Variants in FILIP1L observed in about 807,000 individuals in gnomAD.
The protein encoded by FILIP1L is filamin A interacting protein 1 like, also known as filamin A-interacting protein 1-like.
FILIP1L carries 55 observed loss-of-function variants against 96.6 expected under a neutral mutation model. The ratio of observed to expected loss-of-function variants is 0.57; its 90% CI spans 0.46 to 0.71. The LOEUF is 0.71. FILIP1L is among the 30% of genes least tolerant of loss of function. The pLI is 0.00. For missense variants in FILIP1L, 1,304 were observed against 1,321.2 expected (o/e 0.99, Z 0.20); for synonymous variants, 467 against 473.9 (o/e 0.99, Z 0.19).
chr3:99,958,445 T>C (rs1708401478), intron 1 of FILIP1L, among the ~76,000 whole-genome samples: 1 of 151,782 alleles, frequency 6.6e-6, no homozygotes, highest in Non-Finnish European at 1.5e-5. Flanking sequence ...AGCAGGAAAG[T>C]GCTTACATAG....
chr3:99,835,498 C>G (rs1421539678), intron 5 of FILIP1L, among the ~76,000 whole-genome samples: 2 of 152,204 alleles, frequency 1.3e-5, no homozygotes, highest in Non-Finnish European at 2.9e-5. Flanking sequence ...TGAGCACCTA[C>G]TATGAGCACT....
intron 1 of FILIP1L, chr3:100,040,798 A>T (rs1356156749): frequency 6.6e-6 from 1 of 152,088 alleles, no homozygotes; most frequent in African/African-American, 2.4e-5. Flanking sequence ...CCAAGTTGAC[A>T]TTTTCTCAGG....
At chr3:99,899,102 ATGGAGATTTTATGTG>A (rs1213083034) in intron 4 of FILIP1L, among the ~76,000 whole-genome samples, 1 of 152,220 alleles carries the variant, frequency 6.6e-6, no homozygotes, top group Non-Finnish European at 1.5e-5. Flanking sequence ...ATTATATTAG[ATGGAGATTTTATGTG>A]TGCATTTATT....
intron 1 of FILIP1L, among the ~76,000 whole-genome samples, chr3:100,010,484 A>T (rs975936744): frequency 2.0e-5 from 3 of 152,156 alleles, no homozygotes; most frequent in Non-Finnish European, 4.4e-5. Context: ...AGAAAGGACC[A>T]TGCTTACTTC....
intron 4 of FILIP1L, among the ~76,000 whole-genome samples, chr3:99,879,106 C>T (rs1011144486): frequency 2.0e-5 from 3 of 152,228 alleles, no homozygotes; most frequent in Admixed American, 6.5e-5. Flanking sequence ...CATACCTAGA[C>T]ACCAAGGTCC....
chr3:100,000,105 T>C (rs936494078), intron 1 of FILIP1L, among the ~76,000 whole-genome samples: 27 of 152,206 alleles, frequency 1.8e-4, no homozygotes, highest in African/African-American at 6.5e-4. Flanking sequence ...TAATCAGGAC[T>C]GGAAACACTG....
At chr3:99,967,400 G>A (rs963112924) in intron 1 of FILIP1L, among the ~76,000 whole-genome samples, 1 of 152,182 alleles carries the variant, frequency 6.6e-6, no homozygotes, top group Non-Finnish European at 1.5e-5. Context: ...GTAAATAGAA[G>A]TGTTCACTTT....
intron 1 of FILIP1L, among the ~76,000 whole-genome samples, chr3:99,963,619 T>G (rs891236818): frequency 6.6e-6 from 1 of 152,100 alleles, no homozygotes; most frequent in Non-Finnish European, 1.5e-5. Flanking sequence ...CATTTTTTTT[T>G]TCTTTTTTTT....
chr3:100,062,090 CTTCTTTTTTTTTTTTTTTTTTT>C (rs2065577254), intron 1 of FILIP1L, among the ~76,000 whole-genome samples: 1 of 67,880 alleles, frequency 1.5e-5, no homozygotes, highest in Admixed American at 1.7e-4. Flanking sequence ...ATCCTGTCTT[CTTCTTTTTTTTTTTTTTTTTTT>C]TTTTTTTTTT....
At chr3:99,931,885 T>A (rs1707492984) in intron 1 of FILIP1L, among the ~76,000 whole-genome samples, 1 of 152,180 alleles carries the variant, frequency 6.6e-6, no homozygotes, top group African/African-American at 2.4e-5. Context: ...AGAGAAAATA[T>A]CAGTTGAACT....
rs868521618 is a variant in FILIP1L, at chr3:100,066,783, G to A, written c.-11+47270C>T. Among the ~76,000 whole-genome samples, 10 of 94,504 alleles carry A rather than the reference G, an allele frequency of 1.1e-4. 2 individuals are homozygous for A. The highest frequency in any genetic ancestry group is 3.1e-4 in the African/African-American group (9 of 28,962). The allele number at this position is 94,504 out of a possible 152,430, so 62.0% of individuals were successfully genotyped here. On this transcript the variant is annotated intron_variant, in intron 1 of 5. Coordinates refer to ENST00000477258, the MANE Select transcript of FILIP1L (RefSeq NM_001387850.1). Reference sequence around the variant, plus strand: ...CCTGACCTCGTGATCCGCCCGCCTCGGCCTCCCAAAGTGCTGGGATTACAG... The same window carrying A: ...CCTGACCTCGTGATCCGCCCGCCTCAGCCTCCCAAAGTGCTGGGATTACAG...
At chr3:99,839,799 G>A (rs1374728676) in intron 5 of FILIP1L, among the ~76,000 whole-genome samples, 2 of 152,168 alleles carry the variant, frequency 1.3e-5, no homozygotes, top group African/African-American at 4.8e-5. Context: ...TTCAGTATAG[G>A]TTTTTAAAGT....
intron 1 of FILIP1L, among the ~76,000 whole-genome samples, chr3:100,012,494 G>A (rs1476335039): frequency 6.6e-6 from 1 of 152,084 alleles, no homozygotes; most frequent in Non-Finnish European, 1.5e-5. Flanking sequence ...AGAGCCTTAA[G>A]GACTACATAT....
chr3:99,881,539 T>C (rs1390751380), intron 4 of FILIP1L, among the ~76,000 whole-genome samples: 11 of 148,212 alleles, frequency 7.4e-5, no homozygotes, highest in Admixed American at 1.3e-4. Flanking sequence ...CTCTCTCTCT[T>C]TTTTTTTTTT....
chr3:99,870,556 A>G lies in FILIP1L; in HGVS notation c.606-19486T>C, dbSNP rs546579865. Among the ~76,000 whole-genome samples the G allele has an allele frequency of 6.6e-5, 10 of 152,324 alleles. No homozygotes were observed. The East Asian group carries it at 1.7e-3, about 26-fold the overall frequency. On this transcript the variant is annotated intron_variant, in intron 4 of 5. Coordinates refer to ENST00000477258, the MANE Select transcript of FILIP1L (RefSeq NM_001387850.1). Reference sequence around the variant, plus strand: ...CTTGTCATTAATGTGGTACCAGTCCATGCTAGTAGCTATAGCTGGGTTAGT... The same window carrying G: ...CTTGTCATTAATGTGGTACCAGTCCGTGCTAGTAGCTATAGCTGGGTTAGT...
intron 4 of FILIP1L, among the ~76,000 whole-genome samples, chr3:99,888,645 A>G (rs1390975259): frequency 2.6e-5 from 4 of 152,194 alleles, no homozygotes; most frequent in Non-Finnish European, 5.9e-5. Flanking sequence ...CCTATCAACA[A>G]TTTTATATAC....
intron 1 of FILIP1L, among the ~76,000 whole-genome samples, chr3:100,038,270 A>T (rs1244960061): frequency 6.6e-6 from 1 of 152,122 alleles, no homozygotes; most frequent in Non-Finnish European, 1.5e-5. Flanking sequence ...TTTTCTTCTC[A>T]TTAAAATATA....
chr3:99,948,228 T>C (rs967785577), intron 1 of FILIP1L, among the ~76,000 whole-genome samples: 1 of 152,108 alleles, frequency 6.6e-6, no homozygotes. Context: ...AAAGTTTGTT[T>C]AGAAAAGAGA....
chr3:100,057,337 T>C (rs573965989), intron 1 of FILIP1L, among the ~76,000 whole-genome samples: 12 of 152,184 alleles, frequency 7.9e-5, no homozygotes, highest in Non-Finnish European at 1.6e-4. Flanking sequence ...AGGCCAAGCT[T>C]CTTGCCCGGC....
Sources: gnomAD v4.1 joint callset for allele counts (sites outside exome capture counted in the v4.1 genomes callset) on GRCh38, gnomAD v4.1.1 for gene constraint, MANE v1.5 for transcripts, NCBI Gene and HGNC (gene_info 2026-07-23, HGNC 2026-07-21) for gene names.